Variants in MRTFB observed in about 807,000 individuals in gnomAD.
The protein encoded by MRTFB is myocardin-related transcription factor B.
MRTFB carries 29 observed loss-of-function variants against 104.2 expected under a neutral mutation model. That is an observed-to-expected ratio of 0.28 (90% CI 0.21 to 0.38). The LOEUF is 0.38. Among genes scored for constraint, MRTFB ranks in the 10% least tolerant of loss-of-function variants. The pLI is 1.00. For missense variants in MRTFB, 1,270 were observed against 1,341.6 expected, an observed-to-expected ratio of 0.95 and a Z score of 0.83; for synonymous variants, 535 against 519.5, an observed-to-expected ratio of 1.03 and a Z score of -0.41.
intron 2 of MRTFB, among the ~76,000 whole-genome samples, chr16:14,128,137 G>A (rs1333188187): frequency 6.6e-6 from 1 of 151,916 alleles, no homozygotes; most frequent in African/African-American, 2.4e-5. Flanking sequence ...AAGGCTTAGG[G>A]ATGTTTATGG....
intron 8 of MRTFB, among the ~76,000 whole-genome samples, chr16:14,220,664 C>T (rs2041652210): frequency 6.6e-6 from 1 of 152,212 alleles, no homozygotes; most frequent in South Asian, 2.1e-4. Flanking sequence ...CAGTGCAACA[C>T]ACATTAAGCC....
At chr16:14,112,568 C>T (rs1032163624) in intron 2 of MRTFB, among the ~76,000 whole-genome samples, 1 of 152,242 alleles carries the variant, frequency 6.6e-6, no homozygotes, top group Non-Finnish European at 1.5e-5. Context: ...AGCCAGGTTT[C>T]CCTGCTTCTT....
the MRTFB span, among the ~76,000 whole-genome samples, chr16:14,017,687 G>GTGTATATATATATATA: frequency 8.8e-4 from 6 of 6,814 alleles, no homozygotes; most frequent in Admixed American, 3.1e-3. Context: ...GTGTGTGTGT[G>GTGTATATATATATATA]TATATATATA....
chr16:14,252,621 A>C (rs1373613417), intron 15 of MRTFB, 119 bp downstream of exon 15: 2 of 1,189,754 alleles, frequency 1.7e-6, no homozygotes, highest in Non-Finnish European at 2.3e-6. Context: ...GAAATACAAA[A>C]ATAACCTTGT....
chr16:14,161,545 A>G (rs1433533066), intron 3 of MRTFB, among the ~76,000 whole-genome samples: 1 of 152,222 alleles, frequency 6.6e-6, no homozygotes, highest in Non-Finnish European at 1.5e-5. Context: ...AATTTTTTAA[A>G]TAGGACACAA....
At chr16:14,185,134 T>C (rs2039906357) in intron 3 of MRTFB, among the ~76,000 whole-genome samples, 3 of 152,254 alleles carry the variant, frequency 2.0e-5, no homozygotes, top group South Asian at 4.1e-4. Context: ...TTTTTGAGAG[T>C]GTGATAAGCT....
intron 2 of MRTFB, among the ~76,000 whole-genome samples, chr16:14,137,290 C>A (rs1411310665): frequency 6.6e-6 from 1 of 152,012 alleles, no homozygotes; most frequent in Non-Finnish European, 1.5e-5. Context: ...TTTGCCTTTG[C>A]TACATTTTAT....
intron 3 of MRTFB, among the ~76,000 whole-genome samples, chr16:14,207,614 G>C (rs564279267): frequency 6.6e-6 from 1 of 152,294 alleles, no homozygotes; most frequent in South Asian, 2.1e-4. Flanking sequence ...GTAGCTTCCA[G>C]ATAGGGGCTG....
Position 14,232,264 on chromosome 16 carries a change from G to C in MRTFB, c.694-1882G>C, listed in dbSNP as rs546372269. 3.2e-4 allele frequency among the ~76,000 whole-genome samples: 48 copies of C among 152,268 alleles called. 1 individual carries two copies. In the South Asian group the frequency reaches 8.7e-3, roughly 28 times the overall value. On this transcript the variant is annotated intron_variant, in intron 8 of 16. Coordinates refer to ENST00000571589, the MANE Select transcript of MRTFB (RefSeq NM_001308142.2). Reference sequence around the variant, plus strand: ...ACATACCAGTTACATAATAGCCAAGGAATGTTTTCCCCTCTGTGAACACTG... The same window carrying C: ...ACATACCAGTTACATAATAGCCAAGCAATGTTTTCCCCTCTGTGAACACTG...
At chr16:14,092,696 G>A (rs2035150861) in intron 2 of MRTFB, 1 of 152,106 alleles carries the variant, frequency 6.6e-6, no homozygotes, top group African/African-American at 2.4e-5. Flanking sequence ...TGACTCATGG[G>A]ATGAAACTTT....
intron 8 of MRTFB, among the ~76,000 whole-genome samples, 182 bp from the exon 9 acceptor site, chr16:14,233,964 A>G (rs977512258): frequency 2.6e-5 from 4 of 152,156 alleles, no homozygotes; most frequent in Non-Finnish European, 5.9e-5. Flanking sequence ...AGACTAAATG[A>G]TTGGCTCCAC....
At chr16:14,009,275 T>C in the MRTFB span, 2 of 152,282 alleles carry the variant, frequency 1.3e-5, no homozygotes, top group Admixed American at 1.3e-4. Context: ...TTTGATGCTC[T>C]TGTGAATGAA....
intron 8 of MRTFB, among the ~76,000 whole-genome samples, chr16:14,232,525 T>G (rs1468471152): frequency 6.6e-6 from 1 of 152,186 alleles, no homozygotes; most frequent in Non-Finnish European, 1.5e-5. Flanking sequence ...CATGTCTGTT[T>G]AAAAATGAAA....
chr16:14,245,864 G>A (rs1462665772), intron 11 of MRTFB, among the ~76,000 whole-genome samples: 2 of 152,190 alleles, frequency 1.3e-5, no homozygotes, highest in Non-Finnish European at 2.9e-5. Flanking sequence ...TACTGAGTGT[G>A]TACCTTGTGC....
chr16:14,038,435 T>G, the MRTFB span, among the ~76,000 whole-genome samples: 2 of 152,188 alleles, frequency 1.3e-5, no homozygotes, highest in Non-Finnish European at 2.9e-5. Context: ...CCAAGGTATG[T>G]GCTCCTGTGG....
At chr16:14,120,345 A>G (rs965875422) in intron 2 of MRTFB, among the ~76,000 whole-genome samples, 1 of 152,158 alleles carries the variant, frequency 6.6e-6, no homozygotes, top group Non-Finnish European at 1.5e-5. Flanking sequence ...TTTTTACATC[A>G]TGTTTAATCC....
chr16:14,260,821 A>G (rs2043743420), intron 16 of MRTFB, 88 bp from the exon 17 acceptor site: 4 of 1,103,872 alleles, frequency 3.6e-6, no homozygotes, highest in Admixed American at 2.3e-5. Flanking sequence ...GAATCGCATA[A>G]TAGCAATGTA....
At chr16:14,114,860 A>G (rs940513432) in intron 2 of MRTFB, among the ~76,000 whole-genome samples, 2 of 152,176 alleles carry the variant, frequency 1.3e-5, no homozygotes, top group Admixed American at 6.5e-5. Context: ...ATAACTTCCA[A>G]GGGGCTATCT....
chr16:14,245,602 A>G lies in MRTFB; in HGVS notation c.1154A>G (p.Asn385Ser). 1 of 1,614,174 alleles carries G rather than the reference A, an allele frequency of 6.2e-7. No homozygotes were observed. The highest frequency in any genetic ancestry group is 1.3e-5 in the African/African-American group (1 of 75,050). ...NNATPNTPRQ[N>S]TSTPVRKPGP... is the part of the protein sequence containing the mutation. ...GCCACACCTAACACACCAAGACAGA[A>G]TACATCTACTCCTGTGAGAAAGCCA... The change falls in exon 11 of 17, where the codon AAT (asparagine) becomes AGT (serine). Residue 385 changes from asparagine (N) to serine (S), a missense_variant. By Grantham distance (46) the Asn-to-Ser change is conservative. This residue lies in a region of MRTFB where 1,144 missense variants were observed against 1,131.5 expected (regional missense o/e 1.01). Transcript: ENST00000571589.
Sources: gnomAD v4.1 joint callset for allele counts (sites outside exome capture counted in the v4.1 genomes callset) on GRCh38, gnomAD v4.1.1 for gene constraint, gnomAD v4.1.1 regional missense constraint, MANE v1.5 for transcripts, NCBI Gene and HGNC (gene_info 2026-07-23, HGNC 2026-07-21) for gene names.